The following BIN3 variants were observed in gnomAD, a reference collection of about 807,000 sequenced individuals.
The protein encoded by BIN3 is bridging integrator 3.
A neutral mutation model predicts 38.2 loss-of-function variants in BIN3; 41 were observed. The ratio of observed to expected loss-of-function variants is 1.07; its 90% CI spans 0.84 to 1.39. The LOEUF (loss-of-function observed/expected upper bound fraction) is 1.39. Among genes scored for constraint, BIN3 ranks in the 40% most tolerant of loss-of-function variants. The pLI is 0.00. For synonymous variants in BIN3, 145 were observed against 122.6 expected (o/e 1.18, Z -1.21); for missense variants, 361 against 324.3 (o/e 1.11, Z -0.87).
intron 1 of BIN3, among the ~76,000 whole-genome samples, chr8:22,652,281 G>A (rs1585199511): frequency 6.6e-6 from 1 of 152,176 alleles, no homozygotes; most frequent in Non-Finnish European, 1.5e-5. Flanking sequence ...GAGACAAAAA[G>A]AGCTGACAAG....
chr8:22,644,787 C>T lies in BIN3; in HGVS notation c.25G>A (p.Gly9Arg). 1 of 1,611,190 alleles carries T rather than the reference C, an allele frequency of 6.2e-7. No individual in the cohort carries two copies. Among genetic ancestry groups the T allele is most frequent in the Non-Finnish European group, 8.5e-7 (1 of 1,178,490 alleles). The change falls in exon 2 of 9, where the codon GGG becomes AGG. Residue 9 changes from glycine to arginine, a missense_variant. Transcript: ENST00000276416. Reference sequence around the variant, plus strand: ...GGCACAATCTGTTTCTTGGGCTGCCCAATCTTAAAAGGAATCCTATAAGAG... The same window carrying T: ...GGCACAATCTGTTTCTTGGGCTGCCTAATCTTAAAAGGAATCCTATAAGAG... Reference protein sequence around the residue: MSWIPFKIGQPKKQIVPKT... With the variant: MSWIPFKIRQPKKQIVPKT...
At chr8:22,651,046 G>A (rs187962921) in intron 1 of BIN3, among the ~76,000 whole-genome samples, 44 of 152,280 alleles carry the variant, frequency 2.9e-4, no homozygotes, top group African/African-American at 1.0e-3. Flanking sequence ...TCACAAACTC[G>A]TAAGAGTTTC....
At chr8:22,629,184 G>A (rs1331823119) in intron 6 of BIN3, among the ~76,000 whole-genome samples, 1 of 152,208 alleles carries the variant, frequency 6.6e-6, no homozygotes, top group East Asian at 1.9e-4. Flanking sequence ...CCCTGGGCCA[G>A]GCCAGTGATA....
At chr8:22,642,590 G>C (rs1802598748) in intron 2 of BIN3, among the ~76,000 whole-genome samples, 1 of 152,212 alleles carries the variant, frequency 6.6e-6, no homozygotes, top group African/African-American at 2.4e-5. Context: ...CTGTGATGTA[G>C]TTAACTGGGG....
intron 8 of BIN3, among the ~76,000 whole-genome samples, chr8:22,623,129 G>A (rs1350007027): frequency 6.6e-6 from 1 of 152,228 alleles, no homozygotes; most frequent in African/African-American, 2.4e-5. Context: ...GGTGCCACGG[G>A]TGTTGGGGTA....
chr8:22,668,142 C>T (rs900259329), intron 1 of BIN3, among the ~76,000 whole-genome samples: 5 of 152,140 alleles, frequency 3.3e-5, no homozygotes, highest in African/African-American at 9.7e-5. Context: ...GTCCTTGGGC[C>T]TGACGGTAAG....
chr8:22,635,795 C>T (rs550917312), intron 4 of BIN3, among the ~76,000 whole-genome samples: 1 of 152,302 alleles, frequency 6.6e-6, no homozygotes, highest in African/African-American at 2.4e-5. Flanking sequence ...AAGTCAAGGC[C>T]TTGGAGAAAG....
chr8:22,641,188 C>A (rs946037097), intron 2 of BIN3, among the ~76,000 whole-genome samples: 5 of 152,094 alleles, frequency 3.3e-5, no homozygotes, highest in Admixed American at 6.5e-5. Context: ...GGACCCCAGT[C>A]AACAATGCAA....
At position 22,630,530 on chromosome 8, in the gene BIN3, G is replaced by C. The variant is rs758626086; in HGVS notation, c.209C>G (p.Pro70Arg). The C allele has an allele frequency of 6.2e-7, 1 of 1,614,024 alleles. No individual in the cohort carries two copies. Among genetic ancestry groups the C allele is most frequent in the South Asian group, 1.1e-5 (1 of 91,084 alleles). ...VKISLDLLSN[P>R]LCEQDQDLLN... is the part of the protein sequence containing the mutation. ...AAGGTCCTGGTCTTGCTCACAGAGG[G>C]GATTGGAGAGTAAGTCCAAGGATAT... The change falls in exon 5 of 9, where the codon CCC becomes CGC. Residue 70 changes from proline (P) to arginine (R), a missense_variant. By Grantham distance (103) the Pro-to-Arg change is moderately radical. Coordinates refer to ENST00000276416, the MANE Select transcript of BIN3 (RefSeq NM_018688.6).
chr8:22,621,079 A>G lies in BIN3; in HGVS notation c.*343T>C, dbSNP rs7008429. ...GAGGTAGATTTGATGCCCACAACGC[A>G]TGCAAGGCTAAGACCCCCAACTTAG... On this transcript the variant is annotated 3_prime_UTR_variant, in exon 9 of 9. Transcript: ENST00000276416. The G allele has an allele frequency of 0.098, 23,620 of 240,732 alleles. 2,957 individuals carry two copies. The highest frequency in any genetic ancestry group is 0.34 in the African/African-American group (15,157 of 43,952). The allele number at this position is 240,732 out of a possible 1,614,324, so 14.9% of individuals were successfully genotyped here.
Position 22,621,220 on chromosome 8 carries a change from T to C in BIN3, c.*202A>G. The C allele has an allele frequency of 1.5e-6, 1 of 646,774 alleles. No individual in the cohort carries two copies. The allele number at this position is 646,774 out of a possible 1,614,324, so 40.1% of individuals were successfully genotyped here. A position where few individuals can be genotyped will look rare whatever the true frequency, so the allele number is the denominator to read the frequency against. On this transcript the variant is annotated 3_prime_UTR_variant, in exon 9 of 9. Coordinates refer to ENST00000276416, the MANE Select transcript of BIN3 (RefSeq NM_018688.6). ...CAAGGGTTTGTCTACACTGCTTACC[T>C]GCTGGGGCTGTGAGTGGGGAGACGG...
At chr8:22,662,077 G>A (rs986543345) in intron 1 of BIN3, among the ~76,000 whole-genome samples, 1 of 152,222 alleles carries the variant, frequency 6.6e-6, no homozygotes, top group Non-Finnish European at 1.5e-5. Context: ...TTACAGGCGT[G>A]AGCCAACACG....
chr8:22,641,664 G>T (rs1356755541), intron 2 of BIN3, among the ~76,000 whole-genome samples: 2 of 152,214 alleles, frequency 1.3e-5, no homozygotes, highest in Non-Finnish European at 2.9e-5. Flanking sequence ...CCCGCCACCT[G>T]GCAGATGAAA....
chr8:22,652,537 G>C (rs1802936824), intron 1 of BIN3, among the ~76,000 whole-genome samples: 2 of 152,210 alleles, frequency 1.3e-5, no homozygotes, highest in African/African-American at 2.4e-5. Flanking sequence ...GAGGGGAAGG[G>C]GTGTGCCTTG....
rs114537598 is a variant in BIN3, at chr8:22,624,464, G to A, written c.339-101C>T. On this transcript the variant is annotated intron_variant, in intron 6 of 8. Transcript: ENST00000276416. ...GGGTGGCCTGGCTGGAGATGGGTCCGCTCTTGGAGGGGCGTCCTGGCCAGC... is the reference window on the plus strand; with the variant it reads ...GGGTGGCCTGGCTGGAGATGGGTCCACTCTTGGAGGGGCGTCCTGGCCAGC... 6.3e-4 allele frequency: 926 copies of A among 1,473,910 alleles called. 6 individuals carry two copies. The African/African-American group carries it at 0.012, about 18-fold the overall frequency. The allele number at this position is 1,473,910 out of a possible 1,614,324, so 91.3% of individuals were successfully genotyped here. A position where few individuals can be genotyped will look rare whatever the true frequency, so the allele number is the denominator to read the frequency against.
At chr8:22,660,250 G>A (rs923456351) in intron 1 of BIN3, among the ~76,000 whole-genome samples, 5 of 152,216 alleles carry the variant, frequency 3.3e-5, no homozygotes, top group African/African-American at 1.2e-4. Context: ...AGTAATCACC[G>A]ATTCTCATTC....
chr8:22,650,041 A>C lies in BIN3; in HGVS notation c.9-5238T>G, dbSNP rs145920162. Among the ~76,000 whole-genome samples, 14 of 152,310 alleles carry C rather than the reference A, an allele frequency of 9.2e-5. No homozygotes were observed. The East Asian group carries it at 2.7e-3, about 29-fold the overall frequency. On this transcript the variant is annotated intron_variant, in intron 1 of 8. Coordinates refer to ENST00000276416, the MANE Select transcript of BIN3 (RefSeq NM_018688.6). The stretch of plus-strand genomic sequence containing the variant: ...TTTTAAGAGCTACGGAAGTAAAATG[A>C]GTGGTTCAGGTATATAATGGAAATG...
chr8:22,634,853 G>A (rs986049446), intron 4 of BIN3, among the ~76,000 whole-genome samples: 1 of 152,176 alleles, frequency 6.6e-6, no homozygotes, highest in Non-Finnish European at 1.5e-5. Context: ...ACAAGGCCCT[G>A]GACTTGGAGA....
At chr8:22,639,421 G>A (rs967124302) in intron 2 of BIN3, among the ~76,000 whole-genome samples, 12 of 151,954 alleles carry the variant, frequency 7.9e-5, no homozygotes, top group Admixed American at 3.3e-4. Context: ...TAGTGGAGAC[G>A]GGATTTTGCT....
Sources: gnomAD v4.1 joint callset for allele counts (sites outside exome capture counted in the v4.1 genomes callset) on GRCh38, gnomAD v4.1.1 for gene constraint, MANE v1.5 for transcripts, NCBI Gene and HGNC (gene_info 2026-07-23, HGNC 2026-07-21) for gene names.